Variants in ANKRD30A observed in about 807,000 individuals in gnomAD.
ANKRD30A encodes ankyrin repeat domain-containing protein 30A.
ANKRD30A carries 170 observed loss-of-function variants against 166.3 expected under a neutral mutation model. That is an observed-to-expected ratio of 1.02 (90% CI 0.90 to 1.16). The LOEUF is 1.16. Ranked by LOEUF, ANKRD30A falls within the 50% of genes most tolerant of loss-of-function variation. ANKRD30A has a pLI of 0.00. For missense variants in ANKRD30A, 1,630 were observed against 1,518.0 expected (o/e 1.07, Z -1.23); for synonymous variants, 564 against 508.9 (o/e 1.11, Z -1.46).
intron 34 of ANKRD30A, among the ~76,000 whole-genome samples, chr10:37,221,699 A>C (rs1326761720): frequency 1.3e-5 from 2 of 151,228 alleles, no homozygotes; most frequent in African/African-American, 2.4e-5. Flanking sequence ...TTTACCCTTA[A>C]GAAGATTAAG....
At chr10:37,171,861 T>G (rs1839590321) in intron 21 of ANKRD30A, among the ~76,000 whole-genome samples, 1 of 147,132 alleles carries the variant, frequency 6.8e-6, no homozygotes, top group South Asian at 2.1e-4. Flanking sequence ...TAGTTCAGTT[T>G]ATGGTCTCAT....
intron 30 of ANKRD30A, among the ~76,000 whole-genome samples, chr10:37,200,067 C>T (rs956228148): frequency 6.6e-5 from 10 of 152,034 alleles, no homozygotes; most frequent in Admixed American, 3.3e-4. Flanking sequence ...ATCTGAAGTA[C>T]GTTTGTCTAA....
chr10:37,167,149 C>T lies in ANKRD30A; in HGVS notation c.2155+454C>T, dbSNP rs1269967371. Among the ~76,000 whole-genome samples the T allele has an allele frequency of 3.1e-4, 47 of 151,668 alleles. 1 individual carries two copies. Among genetic ancestry groups the T allele is most frequent in the African/African-American group, 1.1e-3 (46 of 41,176 alleles). On this transcript the variant is annotated intron_variant, in intron 19 of 35. Transcript: ENST00000361713. ...TATGAAGGAAAATGGAGTGAGCTCA[C>T]TTCGGAAGCATTTAGAAAAGTTTTA... is the stretch of plus-strand genomic sequence containing the variant.
intron 21 of ANKRD30A, among the ~76,000 whole-genome samples, chr10:37,173,063 T>G (rs1388583330): frequency 1.3e-5 from 2 of 152,156 alleles, no homozygotes; most frequent in African/African-American, 4.8e-5. Flanking sequence ...AATTTTTATA[T>G]AAATATGTCA....
At chr10:37,197,239 A>G (rs1321212502) in intron 27 of ANKRD30A, 42 bp from the exon 28 acceptor site, 6 of 1,606,130 alleles carry the variant, frequency 3.7e-6, no homozygotes, top group South Asian at 3.3e-5. Flanking sequence ...CTGGCTTGTC[A>G]TATTTACTTA....
intron 21 of ANKRD30A, among the ~76,000 whole-genome samples, chr10:37,172,383 G>T (rs1274931412): frequency 1.6e-5 from 2 of 123,162 alleles, no homozygotes; most frequent in African/African-American, 3.2e-5. Flanking sequence ...TTTTATTTCT[G>T]GGTATGCTTT....
chr10:37,136,790 T>C (rs1836712045), intron 6 of ANKRD30A, 119 bp downstream of exon 6: 1 of 450,816 alleles, frequency 2.2e-6, no homozygotes, highest in South Asian at 2.7e-5. Flanking sequence ...CATATATACA[T>C]ATATGTGGGT....
intron 29 of ANKRD30A, among the ~76,000 whole-genome samples, chr10:37,198,265 G>A (rs541072994): frequency 6.6e-6 from 1 of 151,942 alleles, no homozygotes; most frequent in Non-Finnish European, 1.5e-5. Flanking sequence ...ATATGTAGAT[G>A]GTTGTGCAGT....
rs371202033 is a variant in ANKRD30A at position 37,219,087 on chromosome 10, C to T, written c.3375C>T (p.Tyr1125=). ...KLEIATLKHQ[Y]QEKENKYFED... is the part of the protein sequence containing the mutation. ...AAATAGCCACACTGAAACACCAATA[C>T]CAGGAAAAGGAAAATAAATACTTTG... The change falls in exon 34 of 36, where the codon TAC becomes TAT. Residue 1125 remains tyrosine (Y), a synonymous_variant. Transcript: ENST00000361713. 62 of 1,608,334 alleles carry T rather than the reference C, an allele frequency of 3.9e-5. No homozygotes were observed. In the African/African-American group the frequency reaches 7.7e-4, roughly 20 times the overall value.
chr10:37,210,545 C>T (rs566439436), intron 31 of ANKRD30A, among the ~76,000 whole-genome samples: 166 of 152,158 alleles, frequency 1.1e-3, no homozygotes, highest in Non-Finnish European at 1.6e-3. Context: ...TCGCCACACT[C>T]TCTTCTACAA....
intron 30 of ANKRD30A, among the ~76,000 whole-genome samples, chr10:37,200,340 G>T (rs1302760606): frequency 1.3e-5 from 2 of 151,962 alleles, no homozygotes; most frequent in African/African-American, 4.8e-5. Context: ...CAAGAGTATT[G>T]GTTGAGTAGT....
chr10:37,183,897 C>A (rs1454071583), intron 24 of ANKRD30A, among the ~76,000 whole-genome samples: 1 of 149,446 alleles, frequency 6.7e-6, no homozygotes, highest in African/African-American at 2.4e-5. Context: ...GTCTGTAACG[C>A]CAGCACGTTG....
At chr10:37,236,134 C>T (rs567484273), downstream of ANKRD30A, among the ~76,000 whole-genome samples, 1 of 152,202 alleles carries the variant, frequency 6.6e-6, no homozygotes, top group Admixed American at 6.5e-5. Context: ...TATAAAGTTA[C>T]AAAGTCAAGG....
rs773481049 is a variant in ANKRD30A at position 37,219,191 on chromosome 10, G to T, written c.3479G>T (p.Arg1160Met). 2.4e-5 allele frequency: 39 copies of T among 1,610,480 alleles called. No homozygotes were observed. Among genetic ancestry groups the T allele is most frequent in the Non-Finnish European group, 3.1e-5 (37 of 1,177,612 alleles). Residue 1160 changes from arginine (R) to methionine (M), a missense_variant, in exon 34 of 36, where the codon AGG becomes ATG. By Grantham distance (91) the Arg-to-Met change is moderately conservative (BLOSUM62 -1). This residue lies in a region of ANKRD30A where 712 missense variants were observed against 629.3 expected (regional missense o/e 1.13). Coordinates refer to ENST00000361713, the MANE Select transcript of ANKRD30A (RefSeq NM_052997.3). The stretch of plus-strand genomic sequence containing the variant: ...CTGAAAGAGGAATCATTAACTAAAA[G>T]GGCATCTCAATATAGTGGGCAGCTT... The part of the protein sequence containing the change: ...LKLKEESLTK[R>M]ASQYSGQLKV...
intron 31 of ANKRD30A, among the ~76,000 whole-genome samples, chr10:37,206,462 A>G (rs1271744513): frequency 6.6e-6 from 1 of 152,206 alleles, no homozygotes. Flanking sequence ...ATATGAATCC[A>G]TTGGCTTTTT....
intron 17 of ANKRD30A, among the ~76,000 whole-genome samples, chr10:37,164,511 A>C (rs1839149819): frequency 6.6e-6 from 1 of 152,136 alleles, no homozygotes; most frequent in African/African-American, 2.4e-5. Context: ...ATTTATATGC[A>C]ATAAAATTTT....
chr10:37,198,546 A>G (rs181611456), intron 29 of ANKRD30A, among the ~76,000 whole-genome samples: 59 of 152,130 alleles, frequency 3.9e-4, no homozygotes, highest in African/African-American at 1.3e-3. Context: ...TCCTTGTTCA[A>G]TCATGCATTC....
At chr10:37,241,627 G>T in the ANKRD30A span, among the ~76,000 whole-genome samples, 1 of 152,042 alleles carries the variant, frequency 6.6e-6, no homozygotes, top group Non-Finnish European at 1.5e-5. Context: ...TACAGTGATA[G>T]ATTTAGATTT....
At chr10:37,262,312 T>C in the ANKRD30A span, among the ~76,000 whole-genome samples, 1 of 152,228 alleles carries the variant, frequency 6.6e-6, no homozygotes, top group Non-Finnish European at 1.5e-5. Flanking sequence ...AATCTGCCTG[T>C]ATGTTCCCTA....
Sources: gnomAD v4.1 joint callset for allele counts (sites outside exome capture counted in the v4.1 genomes callset) on GRCh38, gnomAD v4.1.1 for gene constraint, gnomAD v4.1.1 regional missense constraint, MANE v1.5 for transcripts, NCBI Gene and HGNC (gene_info 2026-07-23, HGNC 2026-07-21) for gene names.